KCNG2: variants seen among roughly 807,000 people sequenced by gnomAD.
The protein encoded by KCNG2 is potassium voltage-gated channel modifier subfamily G member 2.
A neutral mutation model predicts 12.3 loss-of-function variants in KCNG2; 7 were observed. That is an observed-to-expected ratio of 0.57 (90% confidence interval 0.32 to 1.07). KCNG2 has a LOEUF of 1.07. Ranked by LOEUF, KCNG2 falls within the 50% of genes least tolerant of loss-of-function variation. The pLI, the probability that KCNG2 is intolerant of heterozygous loss-of-function variation, is 0.04. For synonymous variants in KCNG2, 414 were observed against 351.4 expected, an observed-to-expected ratio of 1.18 and a Z score of -1.99; for missense variants, 703 against 726.0, an observed-to-expected ratio of 0.97 and a Z score of 0.36.
At chr18:79,844,793 T>G (rs1486889819) in intron 1 of KCNG2, among the ~76,000 whole-genome samples, 2 of 152,244 alleles carry the variant, frequency 1.3e-5, no homozygotes, top group African/African-American at 4.8e-5. Context: ...TCTCATACAT[T>G]GCTGGTGGGA....
At position 79,863,984 on chromosome 18, in the gene KCNG2, C is replaced by T. The variant is rs764813108; in HGVS notation, c.317C>T (p.Ala106Val). 1 of 1,231,372 alleles carries T rather than the reference C, an allele frequency of 8.1e-7. No homozygotes were observed. Among genetic ancestry groups the T allele is most frequent in the Non-Finnish European group, 1.0e-6 (1 of 980,770 alleles). 76.3% of individuals were successfully genotyped at this position (1,231,372 alleles called of 1,614,324 possible). ...PCALAFRDEL[A>V]YWGIDEARLE... ...GCGCTGGCCTTCCGCGACGAGCTGGCCTACTGGGGCATCGACGAGGCGCGC... is the reference window on the plus strand; with the variant it reads ...GCGCTGGCCTTCCGCGACGAGCTGGTCTACTGGGGCATCGACGAGGCGCGC... Residue 106 changes from alanine (A) to valine (V), a missense_variant, in exon 3 of 4, where the codon GCC (alanine) becomes GTC (valine). By Grantham distance (64) the Ala-to-Val change is moderately conservative (BLOSUM62 0). Transcript: ENST00000316249.
chr18:79,867,349 C>T lies in KCNG2; in HGVS notation c.624+3058C>T, dbSNP rs1334395328. ...GTCAACCTATGTTACCATGAGGAGGCAAGAGAAGGCAAAAGCTTGCCAGCA... is the reference window on the plus strand; with the variant it reads ...GTCAACCTATGTTACCATGAGGAGGTAAGAGAAGGCAAAAGCTTGCCAGCA... On this transcript the variant is annotated intron_variant, in intron 3 of 3. Coordinates refer to ENST00000316249, the MANE Select transcript of KCNG2 (RefSeq NM_012283.2). Among the ~76,000 whole-genome samples, 9 of 151,652 alleles carry T rather than the reference C, an allele frequency of 5.9e-5. 1 individual carries two copies. The highest frequency in any genetic ancestry group is 1.2e-4 in the Non-Finnish European group (8 of 67,938).
intron 3 of KCNG2, among the ~76,000 whole-genome samples, chr18:79,883,034 T>C (rs9950415): frequency 0.92 from 140,788 of 152,326 alleles, 66,126 homozygotes; most frequent in East Asian, 1. Context: ...CAGCACGGCC[T>C]AGCCCGGAAG....
intron 1 of KCNG2, among the ~76,000 whole-genome samples, chr18:79,848,992 G>A (rs536525888): frequency 6.6e-6 from 1 of 152,284 alleles, no homozygotes; most frequent in East Asian, 1.9e-4. Context: ...CAAAGTAAAA[G>A]AGCCGTGGAT....
intron 1 of KCNG2, among the ~76,000 whole-genome samples, chr18:79,849,602 C>T (rs1477177256): frequency 6.6e-6 from 1 of 152,250 alleles, no homozygotes; most frequent in Non-Finnish European, 1.5e-5. Context: ...TAAAGACAAC[C>T]GTTGTTTCTT....
chr18:79,833,461 A>G lies in KCNG2; in HGVS notation c.-114-22918A>G, dbSNP rs190364057. On this transcript the variant is annotated intron_variant, in intron 1 of 3. Coordinates refer to ENST00000316249, the MANE Select transcript of KCNG2 (RefSeq NM_012283.2). Reference sequence around the variant, plus strand: ...CTGCCTCTTACTGCAGTTTGATTTGACTGTTATAGTTGTTGGTAATTTTAG... The same window carrying G: ...CTGCCTCTTACTGCAGTTTGATTTGGCTGTTATAGTTGTTGGTAATTTTAG... 3.2e-4 allele frequency among the ~76,000 whole-genome samples: 49 copies of G among 152,172 alleles called. No individual in the cohort carries two copies. The Middle Eastern group carries it at 0.014, about 42-fold the overall frequency.
intron 3 of KCNG2, among the ~76,000 whole-genome samples, chr18:79,894,132 C>A (rs1980854811): frequency 6.6e-6 from 1 of 150,740 alleles, no homozygotes; most frequent in South Asian, 2.1e-4. Context: ...TCTGTGTCTC[C>A]TTTTGATTGG....
intron 1 of KCNG2, among the ~76,000 whole-genome samples, chr18:79,823,338 T>C (rs919150242): frequency 2.0e-5 from 3 of 152,166 alleles, no homozygotes; most frequent in Non-Finnish European, 4.4e-5. Context: ...CCTTTTCATC[T>C]CTGCAGGGTT....
chr18:79,881,055 A>G (rs1980274004), intron 3 of KCNG2, among the ~76,000 whole-genome samples: 1 of 152,358 alleles, frequency 6.6e-6, no homozygotes, highest in South Asian at 2.1e-4. Flanking sequence ...CAACCCAAGG[A>G]TGCCTGCTCC....
rs149745187 is a variant in KCNG2, at chr18:79,854,231, C to T, written c.-114-2148C>T. On this transcript the variant is annotated intron_variant, in intron 1 of 3. Coordinates refer to ENST00000316249, the MANE Select transcript of KCNG2 (RefSeq NM_012283.2). ...CGGCAGAGCCTCACTGTCCCAGCCC[C>T]GTTCACCAGAGCCCCCAGCCCCTGT... Among the ~76,000 whole-genome samples the T allele has an allele frequency of 2.1e-3, 315 of 152,342 alleles. No individual in the cohort carries two copies. In the Middle Eastern group the frequency reaches 0.027, roughly 13 times the overall value.
intron 1 of KCNG2, among the ~76,000 whole-genome samples, chr18:79,853,656 G>A (rs1335712290): frequency 3.3e-5 from 5 of 152,208 alleles, no homozygotes; most frequent in African/African-American, 7.2e-5. Context: ...AGGCTGCAGC[G>A]AGTCAGGAGC....
chr18:79,888,529 C>T (rs946062164), intron 3 of KCNG2, among the ~76,000 whole-genome samples: 1 of 151,144 alleles, frequency 6.6e-6, no homozygotes, highest in African/African-American at 2.4e-5. Context: ...CGGCGGCGTC[C>T]TCCTCATGAG....
chr18:79,867,590 G>A (rs1362061701), intron 3 of KCNG2, among the ~76,000 whole-genome samples: 1 of 131,146 alleles, frequency 7.6e-6, no homozygotes, highest in African/African-American at 2.8e-5. Flanking sequence ...AGTGTGTGTC[G>A]TGTCTGGGGG....
At chr18:79,883,817 G>A (rs1366028180) in intron 3 of KCNG2, among the ~76,000 whole-genome samples, 3 of 152,214 alleles carry the variant, frequency 2.0e-5, no homozygotes, top group Non-Finnish European at 2.9e-5. Flanking sequence ...GCATGTTTTC[G>A]TTTTTGCTTT....
intron 3 of KCNG2, among the ~76,000 whole-genome samples, chr18:79,898,266 C>A (rs1469531052): frequency 6.6e-6 from 1 of 152,178 alleles, no homozygotes; most frequent in Admixed American, 6.5e-5. Context: ...GGGACAGCTG[C>A]GAGCCTCAGT....
chr18:79,864,693 A>G (rs537310912), intron 3 of KCNG2, among the ~76,000 whole-genome samples: 12 of 152,202 alleles, frequency 7.9e-5, no homozygotes, highest in Non-Finnish European at 1.5e-4. Context: ...AAGGAGACCC[A>G]ACCGCATTGT....
chr18:79,859,197 T>C (rs931122263), intron 2 of KCNG2, among the ~76,000 whole-genome samples: 2 of 152,394 alleles, frequency 1.3e-5, no homozygotes, highest in East Asian at 3.8e-4. Flanking sequence ...TTTGGAGTTT[T>C]AGCTCTTACA....
chr18:79,877,486 G>A (rs1195050545), intron 3 of KCNG2, among the ~76,000 whole-genome samples: 4 of 152,142 alleles, frequency 2.6e-5, no homozygotes, highest in Non-Finnish European at 4.4e-5. Flanking sequence ...GGAAAATCGC[G>A]AGCTGCGGGG....
At chr18:79,807,851 A>G (rs1599363010) in intron 1 of KCNG2, among the ~76,000 whole-genome samples, 1 of 96,478 alleles carries the variant, frequency 1.0e-5, no homozygotes, top group Non-Finnish European at 2.0e-5. Context: ...GGCCGCGCTG[A>G]CCACACTCCA....
Sources: allele counts gnomAD v4.1 joint callset (sites outside exome capture counted in the v4.1 genomes callset), GRCh38; gene constraint gnomAD v4.1.1; transcripts MANE v1.5; gene names NCBI Gene and HGNC (gene_info 2026-07-23, HGNC 2026-07-21).